The following DLGAP2 variants were observed in gnomAD, a reference collection of about 807,000 sequenced individuals.
DLGAP2 encodes the protein DLG associated protein 2.
A neutral mutation model predicts 100.3 loss-of-function variants in DLGAP2; 26 were observed. The observed-to-expected ratio is 0.26, with a 90% CI of 0.19 to 0.36. DLGAP2 has a LOEUF of 0.36. Ranked by LOEUF, DLGAP2 falls within the 10% of genes least tolerant of loss-of-function variation. The pLI is 1.00. For synonymous variants in DLGAP2, 886 were observed against 630.1 expected (o/e 1.41, Z -6.08); for missense variants, 1,858 against 1,453.2 (o/e 1.28, Z -4.53).
chr8:1,464,266 A>ACGGCTCCCTTCCAGGG (rs1798549067), intron 3 of DLGAP2, among the ~76,000 whole-genome samples: 1 of 114,026 alleles, frequency 8.8e-6, no homozygotes, highest in Non-Finnish European at 1.9e-5. Flanking sequence ...CCCTTCCAGG[A>ACGGCTCCCTTCCAGGG]CGGCACCCTT....
intron 8 of DLGAP2, among the ~76,000 whole-genome samples, chr8:1,650,997 G>A (rs1798148820): frequency 6.6e-6 from 1 of 152,186 alleles, no homozygotes; most frequent in Non-Finnish European, 1.5e-5. Flanking sequence ...TCTGCCTCCA[G>A]CATCTACCAC....
intron 3 of DLGAP2, among the ~76,000 whole-genome samples, chr8:1,314,684 T>C (rs1800688097): frequency 6.6e-6 from 1 of 152,188 alleles, no homozygotes. Flanking sequence ...GCTGGGCTGC[T>C]GGGGGCCCCT....
chr8:1,231,835 G>C (rs1798542279), intron 2 of DLGAP2, among the ~76,000 whole-genome samples: 1 of 152,054 alleles, frequency 6.6e-6, no homozygotes, highest in Non-Finnish European at 1.5e-5. Context: ...GGAAGTGTTG[G>C]AAAACTACTG....
rs111630322 is a variant in DLGAP2, at chr8:1,469,196, G to A, written c.107-32170G>A. Among the ~76,000 whole-genome samples, 186 of 152,352 alleles carry A rather than the reference G, an allele frequency of 1.2e-3. 1 individual carries two copies. Among genetic ancestry groups the A allele is most frequent in the South Asian group, 7.0e-3 (34 of 4,832 alleles). On this transcript the variant is annotated intron_variant, in intron 3 of 14. Coordinates refer to ENST00000637795, the MANE Select transcript of DLGAP2 (RefSeq NM_001346810.2). ...CTGTGGCAGATCCTCCAGTCCTGGGGCTTCCTCCCCTCGCCCAGCTCCTGC... is the reference window on the plus strand; with the variant it reads ...CTGTGGCAGATCCTCCAGTCCTGGGACTTCCTCCCCTCGCCCAGCTCCTGC...
At chr8:1,165,823 C>G (rs762291171) in intron 2 of DLGAP2, among the ~76,000 whole-genome samples, 5 of 151,414 alleles carry the variant, frequency 3.3e-5, no homozygotes, top group Admixed American at 2.6e-4. Flanking sequence ...GCTATCATTT[C>G]TTAAAAGCCT....
chr8:1,490,324 T>G (rs1376926297), intron 3 of DLGAP2, among the ~76,000 whole-genome samples: 1 of 152,232 alleles, frequency 6.6e-6, no homozygotes, highest in East Asian at 1.9e-4. Flanking sequence ...CGTGCGGGGT[T>G]GAAAAGGCGC....
intron 2 of DLGAP2, among the ~76,000 whole-genome samples, chr8:1,212,424 A>G (rs945969526): frequency 4.6e-5 from 7 of 152,210 alleles, no homozygotes; most frequent in Non-Finnish European, 8.8e-5. Flanking sequence ...TGAGCTTTTA[A>G]AAACCGTTCA....
intron 2 of DLGAP2, among the ~76,000 whole-genome samples, chr8:1,057,741 A>G (rs534450287): frequency 1.3e-5 from 2 of 152,348 alleles, no homozygotes; most frequent in East Asian, 3.9e-4. Context: ...GACTATGTTC[A>G]TTGATACTAA....
intron 2 of DLGAP2, among the ~76,000 whole-genome samples, chr8:1,008,466 A>T (rs1439015737): frequency 6.6e-6 from 1 of 152,240 alleles, no homozygotes; most frequent in Non-Finnish European, 1.5e-5. Flanking sequence ...GTGTTCTTGG[A>T]AAGGAAACAA....
chr8:926,997 G>A (rs1563098786), intron 2 of DLGAP2: 1 of 983,574 alleles, frequency 1.0e-6, no homozygotes, highest in Non-Finnish European at 1.2e-6. Context: ...CGGGGCCAGA[G>A]GACCCCCCGC....
At chr8:1,501,539 T>C in intron 4 of DLGAP2, 108 bp downstream of exon 4, 1 of 1,110,616 alleles carries the variant, frequency 9.0e-7, no homozygotes, top group Non-Finnish European at 1.3e-6. Flanking sequence ...TTAGCATGTT[T>C]AGAAAGGGAG....
At chr8:994,451 C>T (rs1386942308) in intron 2 of DLGAP2, among the ~76,000 whole-genome samples, 1 of 152,142 alleles carries the variant, frequency 6.6e-6, no homozygotes, top group South Asian at 2.1e-4. Context: ...CCGTCTGCCT[C>T]AGCCTCCCAA....
intron 3 of DLGAP2, among the ~76,000 whole-genome samples, chr8:1,423,628 G>A (rs960127804): frequency 6.6e-6 from 1 of 152,192 alleles, no homozygotes; most frequent in Non-Finnish European, 1.5e-5. Context: ...GCTGGGACCT[G>A]CTGCTCCCTT....
intron 2 of DLGAP2, among the ~76,000 whole-genome samples, chr8:1,177,140 G>A (rs1199379788): frequency 6.6e-6 from 1 of 152,188 alleles, no homozygotes; most frequent in Non-Finnish European, 1.5e-5. Flanking sequence ...CCTTCGAGTG[G>A]ACGCACGCAC....
chr8:908,270 C>T (rs1798419452), intron 2 of DLGAP2, among the ~76,000 whole-genome samples: 1 of 152,070 alleles, frequency 6.6e-6, no homozygotes, highest in South Asian at 2.1e-4. Flanking sequence ...TTGTTGGTTT[C>T]AAAGTTGTTT....
chr8:1,332,024 T>G (rs1400251339), intron 3 of DLGAP2, among the ~76,000 whole-genome samples: 1 of 152,168 alleles, frequency 6.6e-6, no homozygotes, highest in Non-Finnish European at 1.5e-5. Flanking sequence ...GCGCCTTCTT[T>G]CTTTTGCTGG....
chr8:746,120 G>C (rs964880021), intron 1 of DLGAP2, among the ~76,000 whole-genome samples: 1 of 152,238 alleles, frequency 6.6e-6, no homozygotes, highest in Non-Finnish European at 1.5e-5. Flanking sequence ...GTGCGTCGCT[G>C]CTTTCCTCCA....
At chr8:791,721 G>A (rs1822031968) in intron 1 of DLGAP2, among the ~76,000 whole-genome samples, 1 of 152,166 alleles carries the variant, frequency 6.6e-6, no homozygotes, top group South Asian at 2.1e-4. Context: ...TTATTTGGGA[G>A]TAATTTCACA....
intron 2 of DLGAP2, among the ~76,000 whole-genome samples, chr8:1,169,848 T>C (rs1320820704): frequency 6.6e-6 from 1 of 151,854 alleles, no homozygotes; most frequent in Admixed American, 6.6e-5. Context: ...TTTGACTTCC[T>C]CTTTTCCTAA....
Sources: gnomAD v4.1 joint callset for allele counts (sites outside exome capture counted in the v4.1 genomes callset) on GRCh38, gnomAD v4.1.1 for gene constraint, MANE v1.5 for transcripts, NCBI Gene and HGNC (gene_info 2026-07-23, HGNC 2026-07-21) for gene names.